The following ABTB3 variants were observed in gnomAD, a reference collection of about 807,000 sequenced individuals.
ABTB3 encodes the protein ankyrin repeat- and BTB/POZ domain-containing protein 3.
At chr12:107,508,098 GGA>G in the ABTB3 span, among the ~76,000 whole-genome samples, 1 of 143,856 alleles carries the variant, frequency 7.0e-6, no homozygotes, top group African/African-American at 2.9e-5. Flanking sequence ...ATGGATGGAT[GGA>G]TGGATGGATG....
At chr12:107,497,887 C>A in the ABTB3 span, among the ~76,000 whole-genome samples, 1 of 152,154 alleles carries the variant, frequency 6.6e-6, no homozygotes, top group East Asian at 1.9e-4. Context: ...TTTCCCTCCT[C>A]CACATGTCAG....
At chr12:107,374,146 C>T in the ABTB3 span, among the ~76,000 whole-genome samples, 45 of 152,302 alleles carry the variant, frequency 3.0e-4, no homozygotes, top group African/African-American at 9.9e-4. Context: ...CCGTCTGCCT[C>T]GGTGCCCTGT....
the ABTB3 span, chr12:107,318,943 G>A: frequency 1.2e-6 from 2 of 1,601,858 alleles, no homozygotes; most frequent in Non-Finnish European, 1.7e-6. Context: ...GCGCAGCGAT[G>A]GCCAGGAGAG....
the ABTB3 span, among the ~76,000 whole-genome samples, chr12:107,429,029 G>A: frequency 6.6e-6 from 1 of 152,362 alleles, no homozygotes; most frequent in South Asian, 2.1e-4. Context: ...AAGGTCCAGG[G>A]GAAAGAGAGG....
chr12:107,482,230 C>A, the ABTB3 span, among the ~76,000 whole-genome samples: 1 of 152,186 alleles, frequency 6.6e-6, no homozygotes, highest in South Asian at 2.1e-4. Flanking sequence ...GCTATCTAGC[C>A]TGTTCCTCCA....
the ABTB3 span, among the ~76,000 whole-genome samples, chr12:107,569,553 G>A: frequency 6.6e-6 from 1 of 152,122 alleles, no homozygotes; most frequent in Non-Finnish European, 1.5e-5. Context: ...AACAAATATC[G>A]AGTCTCAAGT....
chr12:107,376,306 G>A, the ABTB3 span, among the ~76,000 whole-genome samples: 6 of 152,128 alleles, frequency 3.9e-5, no homozygotes, highest in South Asian at 2.1e-4. Context: ...TCACCACTGC[G>A]TCTCTGGTCC....
chr12:107,478,112 C>T, the ABTB3 span, among the ~76,000 whole-genome samples: 1 of 152,184 alleles, frequency 6.6e-6, no homozygotes, highest in African/African-American at 2.4e-5. Flanking sequence ...ATAGGCCTTC[C>T]TCAACACACA....
chr12:107,445,863 TCCCTCTC>T, the ABTB3 span, among the ~76,000 whole-genome samples: 17,121 of 106,324 alleles, frequency 0.16, 2,011 homozygotes, highest in Admixed American at 0.27. Flanking sequence ...TCTCCAAATC[TCCCTCTC>T]CCCTCTCCCC....
the ABTB3 span, among the ~76,000 whole-genome samples, chr12:107,428,179 G>C: frequency 6.6e-6 from 1 of 152,210 alleles, no homozygotes; most frequent in Non-Finnish European, 1.5e-5. Context: ...TTGAAAGACA[G>C]AAGAAATGGA....
the ABTB3 span, among the ~76,000 whole-genome samples, chr12:107,502,923 A>T: frequency 3.3e-5 from 5 of 152,292 alleles, no homozygotes; most frequent in East Asian, 7.7e-4. Flanking sequence ...AAGGCTGGGG[A>T]CCGCTATTTT....
the ABTB3 span, among the ~76,000 whole-genome samples, chr12:107,444,519 G>T: frequency 6.6e-6 from 1 of 152,218 alleles, no homozygotes; most frequent in Non-Finnish European, 1.5e-5. Flanking sequence ...CAAATGAAGA[G>T]AATGCTCTCC....
chr12:107,423,033 C>A, the ABTB3 span, among the ~76,000 whole-genome samples: 24 of 152,332 alleles, frequency 1.6e-4, no homozygotes, highest in African/African-American at 5.5e-4. Flanking sequence ...CTGACACAAT[C>A]ACTCTGTCCA....
chr12:107,443,103 A>C, the ABTB3 span, among the ~76,000 whole-genome samples: 1 of 152,070 alleles, frequency 6.6e-6, no homozygotes, highest in Non-Finnish European at 1.5e-5. Flanking sequence ...CCCATCTCCT[A>C]ACACCATCAT....
At chr12:107,522,085 C>A in the ABTB3 span, among the ~76,000 whole-genome samples, 1 of 151,960 alleles carries the variant, frequency 6.6e-6, no homozygotes, top group Non-Finnish European at 1.5e-5. Context: ...TGGGTACCTT[C>A]TCCCTGTGTT....
chr12:107,490,631 C>T, the ABTB3 span, among the ~76,000 whole-genome samples: 1 of 152,166 alleles, frequency 6.6e-6, no homozygotes, highest in Non-Finnish European at 1.5e-5. Flanking sequence ...AACCCTGTCT[C>T]CTGGTGCATT....
the ABTB3 span, among the ~76,000 whole-genome samples, chr12:107,499,886 A>G: frequency 0.011 from 1,697 of 152,134 alleles, 28 homozygotes; most frequent in African/African-American, 0.039. Context: ...GGGTTTCCCT[A>G]TGTTGGCCAG....
At chr12:107,423,217 T>C in the ABTB3 span, among the ~76,000 whole-genome samples, 2 of 152,324 alleles carry the variant, frequency 1.3e-5, no homozygotes, top group East Asian at 3.9e-4. Flanking sequence ...TAATAAGAAT[T>C]TTTTCAATAA....
chr12:107,352,711 T>C, the ABTB3 span, among the ~76,000 whole-genome samples: 1 of 152,052 alleles, frequency 6.6e-6, no homozygotes, highest in African/African-American at 2.4e-5. Flanking sequence ...ATCTGTGTTT[T>C]TCAGCCTCTT....
Sources: gnomAD v4.1 joint callset for allele counts (sites outside exome capture counted in the v4.1 genomes callset) on GRCh38, gnomAD v4.1.1 for gene constraint, MANE v1.5 for transcripts, NCBI Gene and HGNC (gene_info 2026-07-23, HGNC 2026-07-21) for gene names.